The following ANXA10 variants were observed in gnomAD, a reference collection of about 807,000 sequenced individuals.
ANXA10 encodes annexin 14.
A neutral mutation model predicts 53.5 loss-of-function variants in ANXA10; 49 were observed. The ratio of observed to expected loss-of-function variants is 0.92; its 90% CI spans 0.73 to 1.16. The LOEUF (loss-of-function observed/expected upper bound fraction) is 1.16, where lower values mean the gene tolerates loss of function less well. Ranked by LOEUF, ANXA10 falls within the 50% of genes most tolerant of loss-of-function variation. The pLI is 0.00. For missense variants in ANXA10, 393 were observed against 394.4 expected, an observed-to-expected ratio of 1.00 and a Z score of 0.03; for synonymous variants, 131 against 128.9, an observed-to-expected ratio of 1.02 and a Z score of -0.11.
chr4:168,141,853 TAA>T (rs1731330870), intron 3 of ANXA10, among the ~76,000 whole-genome samples: 3 of 152,134 alleles, frequency 2.0e-5, no homozygotes, highest in African/African-American at 7.2e-5. Flanking sequence ...GCTTCTGCCG[TAA>T]GCCCTTGCCT....
chr4:168,173,247 TG>T (rs2149479559), intron 6 of ANXA10, among the ~76,000 whole-genome samples: 1 of 152,236 alleles, frequency 6.6e-6, no homozygotes, highest in Non-Finnish European at 1.5e-5. Context: ...GAAAAGCTAA[TG>T]GGTATGAGGG....
At chr4:168,181,866 C>T (rs1267173625) in intron 10 of ANXA10, 125 bp downstream of exon 10, 5 of 702,042 alleles carry the variant, frequency 7.1e-6, no homozygotes, top group Admixed American at 5.5e-5. Context: ...AAAGAAAATA[C>T]ACCCAAGTGA....
chr4:168,132,391 T>C, intron 2 of ANXA10, among the ~76,000 whole-genome samples: 1 of 152,014 alleles, frequency 6.6e-6, no homozygotes, highest in Non-Finnish European at 1.5e-5. Context: ...AAACATTGCA[T>C]GTTCTCACTT....
At chr4:168,175,615 A>G (rs950447567) in intron 6 of ANXA10, among the ~76,000 whole-genome samples, 1 of 152,234 alleles carries the variant, frequency 6.6e-6, no homozygotes, top group African/African-American at 2.4e-5. Context: ...TAACACCCAT[A>G]GTCCTACCAC....
At chr4:168,152,505 T>A (rs1171897062) in intron 3 of ANXA10, among the ~76,000 whole-genome samples, 1 of 152,260 alleles carries the variant, frequency 6.6e-6, no homozygotes, top group East Asian at 1.9e-4. Context: ...AGTGTTCATT[T>A]TCTTCTAAGA....
At chr4:168,128,277 G>C in intron 2 of ANXA10, 112 bp downstream of exon 2, 1 of 458,852 alleles carries the variant, frequency 2.2e-6, no homozygotes, top group South Asian at 8.1e-5. Context: ...CACAGATACA[G>C]ATTAGACAAA....
chr4:168,094,427 A>G (rs1280511683), intron 1 of ANXA10, among the ~76,000 whole-genome samples: 2 of 152,174 alleles, frequency 1.3e-5, no homozygotes, highest in Non-Finnish European at 2.9e-5. Context: ...GTAATTTTCT[A>G]TCTTAAGGTA....
Position 168,179,301 on chromosome 4 carries a change from T to C in ANXA10, c.713T>C (p.Leu238Pro). ...ECYDGYFQEL[L>P]VAIVLCVRDK... ...TATGATGGATACTTTCAGGAGCTGC[T>C]GGTTGCAATTGGTAAGTAATAAATT... Residue 238 changes from leucine (L) to proline (P), a missense_variant, in exon 9 of 12, where the codon CTG becomes CCG. Coordinates refer to ENST00000359299, the MANE Select transcript of ANXA10 (RefSeq NM_007193.5). 1 of 1,604,064 alleles carries C rather than the reference T, an allele frequency of 6.2e-7. No homozygotes were observed. Among genetic ancestry groups the C allele is most frequent in the Non-Finnish European group, 8.5e-7 (1 of 1,172,364 alleles).
At chr4:168,127,504 T>C (rs1056560517) in intron 1 of ANXA10, among the ~76,000 whole-genome samples, 5 of 152,122 alleles carry the variant, frequency 3.3e-5, no homozygotes, top group African/African-American at 1.2e-4. Flanking sequence ...ACCAATATGG[T>C]ACCCTTTTTC....
chr4:168,110,547 A>C (rs575231685), intron 1 of ANXA10, among the ~76,000 whole-genome samples: 17 of 151,984 alleles, frequency 1.1e-4, no homozygotes, highest in African/African-American at 3.9e-4. Flanking sequence ...AAATTACCCT[A>C]AACAAACTGG....
At chr4:168,184,734 C>A in intron 11 of ANXA10, 53 bp downstream of exon 11, 1 of 1,598,794 alleles carries the variant, frequency 6.3e-7, no homozygotes, top group Non-Finnish European at 8.5e-7. Flanking sequence ...CTTTTTGAAA[C>A]TGAGATAAAA....
chr4:168,164,069 C>T (rs779578274), intron 4 of ANXA10, 129 bp from the exon 5 acceptor site: 56 of 670,914 alleles, frequency 8.3e-5, no homozygotes, highest in Non-Finnish European at 9.7e-5. Flanking sequence ...CTGCCTTCAT[C>T]CTAAACCACT....
rs1234719224 is a variant in ANXA10 at position 168,093,377 on chromosome 4, TCA to T, written c.18+660_18+661del. Among the ~76,000 whole-genome samples, 468 of 152,302 alleles carry T rather than the reference TCA, an allele frequency of 3.1e-3. 6 individuals carry two copies. Among genetic ancestry groups the T allele is most frequent in the African/African-American group, 0.011 (442 of 41,564 alleles). ...CATTTTAGTCCAACTGCTCTAATAG[TCA>T]TTCACTTTTTAAAAAGCCAACATGA... On this transcript the variant is annotated intron_variant, in intron 1 of 11. Coordinates refer to ENST00000359299, the MANE Select transcript of ANXA10 (RefSeq NM_007193.5).
At chr4:168,152,951 C>T (rs1015303186) in intron 3 of ANXA10, among the ~76,000 whole-genome samples, 6 of 151,946 alleles carry the variant, frequency 3.9e-5, no homozygotes, top group Non-Finnish European at 8.8e-5. Context: ...TCAGGTAATC[C>T]TCCCACCTCA....
chr4:168,107,213 T>C (rs1482553759), intron 1 of ANXA10, among the ~76,000 whole-genome samples: 1 of 152,168 alleles, frequency 6.6e-6, no homozygotes. Context: ...TAAATAATTC[T>C]TTGAGGATAA....
intron 1 of ANXA10, among the ~76,000 whole-genome samples, chr4:168,110,280 C>T (rs532499887): frequency 9.2e-5 from 14 of 151,976 alleles, no homozygotes; most frequent in Non-Finnish European, 1.6e-4. Context: ...AACCTGTTAA[C>T]CAACTGATAG....
In ANXA10 at chr4:168,102,979, G is replaced by A. The variant is rs115642239; in HGVS notation, c.18+10261G>A. On this transcript the variant is annotated intron_variant, in intron 1 of 11. Coordinates refer to ENST00000359299, the MANE Select transcript of ANXA10 (RefSeq NM_007193.5). Reference sequence around the variant, plus strand: ...TCTTCATGTGCTCATTTACTATACCGTCATTGTGAATGTGTTTGTTTAAAA... The same window carrying A: ...TCTTCATGTGCTCATTTACTATACCATCATTGTGAATGTGTTTGTTTAAAA... Among the ~76,000 whole-genome samples, 288 of 151,954 alleles carry A rather than the reference G, an allele frequency of 1.9e-3. 1 individual carries two copies. The Middle Eastern group carries it at 0.02, about 11-fold the overall frequency.
intron 8 of ANXA10, chr4:168,178,305 G>A: frequency 3.3e-6 from 1 of 299,494 alleles, no homozygotes; most frequent in Non-Finnish European, 6.4e-6. Context: ...AAAATGCATA[G>A]TAAATATAGT....
chr4:168,093,509 T>C (rs914676922), intron 1 of ANXA10, among the ~76,000 whole-genome samples: 8 of 152,176 alleles, frequency 5.3e-5, no homozygotes, highest in African/African-American at 1.9e-4. Flanking sequence ...TTAGAAATTA[T>C]ATACAAGTAT....
Sources: allele counts gnomAD v4.1 joint callset (sites outside exome capture counted in the v4.1 genomes callset), GRCh38; gene constraint gnomAD v4.1.1; transcripts MANE v1.5; gene names NCBI Gene and HGNC (gene_info 2026-07-23, HGNC 2026-07-21).